VPS51: variants seen among roughly 807,000 people sequenced by gnomAD.
VPS51 encodes VPS51 subunit of GARP complex, also known as vacuolar protein sorting-associated protein 51 homolog.
A neutral mutation model predicts 65.1 loss-of-function variants in VPS51; 55 were observed. That is an observed-to-expected ratio of 0.84 (90% confidence interval 0.68 to 1.06). The LOEUF (loss-of-function observed/expected upper bound fraction) is 1.06. Among genes scored for constraint, VPS51 ranks in the 50% least tolerant of loss-of-function variants. The pLI is 0.00. For missense variants in VPS51, 943 were observed against 1,101.6 expected, an observed-to-expected ratio of 0.86 and a Z score of 2.04; for synonymous variants, 473 against 489.5, an observed-to-expected ratio of 0.97 and a Z score of 0.44.
rs2137195557 is a variant in VPS51, at chr11:65,110,727, C to A, written c.2034C>A (p.Ile678=). Residue 678 remains isoleucine, a synonymous_variant, in exon 9 of 10, where the codon ATC becomes ATA. Coordinates refer to ENST00000279281, the MANE Select transcript of VPS51 (RefSeq NM_013265.4). ...APMDTNLLSN[I]QKLFSERIDV... is the part of the protein sequence containing the mutation. Reference sequence around the variant, plus strand: ...TGGACACCAACCTCTTGAGCAATATCCAGAAGCTATTCTCTGAACGTATTG... The same window carrying A: ...TGGACACCAACCTCTTGAGCAATATACAGAAGCTATTCTCTGAACGTATTG... The A allele has an allele frequency of 6.2e-7, 1 of 1,614,160 alleles. No individual in the cohort carries two copies. The highest frequency in any genetic ancestry group is 8.5e-7 in the Non-Finnish European group (1 of 1,180,032).
In VPS51 at chr11:65,109,403, C is replaced by T. The variant is rs1947872130; in HGVS notation, c.1567C>T (p.Leu523=). The T allele has an allele frequency of 6.2e-7, 1 of 1,611,358 alleles. No homozygotes were observed. The highest frequency in any genetic ancestry group is 8.5e-7 in the Non-Finnish European group (1 of 1,180,014). The stretch of plus-strand genomic sequence containing the variant: ...GAAGGGGGGTGCCACACCACCTGCC[C>T]TGCTCCTGCTGCTCTCCCGCCTCTG... ...GEKGGATPPA[L]LLLLSRLCLD... is the part of the protein sequence containing the mutation. Residue 523 remains leucine (L), a synonymous_variant, in exon 6 of 10, where the codon CTG becomes TTG. Coordinates refer to ENST00000279281, the MANE Select transcript of VPS51 (RefSeq NM_013265.4).
In VPS51 at chr11:65,107,299, G is replaced by A; in HGVS notation, c.359-282G>A. On this transcript the variant is annotated intron_variant, in intron 2 of 9. Coordinates refer to ENST00000279281, the MANE Select transcript of VPS51 (RefSeq NM_013265.4). The surrounding 1 kb of genome is among the most constrained non-coding windows in gnomAD (Gnocchi z 4.0). ...GGTGGCAGCTGGCTAAGCACCTGCG[G>A]CCTGCTTCGGATCTGGACTAATTCT... is the stretch of plus-strand genomic sequence containing the variant. 1.7e-6 allele frequency: 1 copy of A among 582,368 alleles called. No individual in the cohort carries two copies. The highest frequency in any genetic ancestry group is 3.2e-6 in the Non-Finnish European group (1 of 309,126). 36.1% of individuals were successfully genotyped at this position (582,368 alleles called of 1,614,324 possible). A position where few individuals can be genotyped will look rare whatever the true frequency, so the allele number is the denominator to read the frequency against.
In VPS51 at chr11:65,109,305, G is replaced by A. The variant is rs770883799; in HGVS notation, c.1469G>A (p.Arg490His). The A allele has an allele frequency of 9.3e-6, 15 of 1,613,008 alleles. No homozygotes were observed. The highest frequency in any genetic ancestry group is 2.2e-5 in the East Asian group (1 of 44,868). The change falls in exon 6 of 10, where the codon CGT (arginine) becomes CAT (histidine). Residue 490 changes from arginine to histidine, a missense_variant. Coordinates refer to ENST00000279281, the MANE Select transcript of VPS51 (RefSeq NM_013265.4). The stretch of plus-strand genomic sequence containing the variant: ...GGTGAGTTCTGCAGTCAGGGTGTCC[G>A]TGAGGGCCTCATCGTGGGCTTCGTC... ...FRGEFCSQGV[R>H]EGLIVGFVHS...
chr11:65,110,414 C>T (rs779577903), intron 7 of VPS51, 68 bp from the exon 8 acceptor site: 75 of 1,611,678 alleles, frequency 4.7e-5, no homozygotes, highest in Non-Finnish European at 5.9e-5. Flanking sequence ...TTAGGGCATC[C>T]TCAGCACCGA....
Position 65,096,284 on chromosome 11 carries a change from G to A in VPS51, c.34G>A (p.Gly12Arg), listed in dbSNP as rs757532613. The A allele has an allele frequency of 5.3e-6, 8 of 1,519,608 alleles. No homozygotes were observed. Among genetic ancestry groups the A allele is most frequent in the Admixed American group, 4.6e-5 (2 of 43,312 alleles). The allele number at this position is 1,519,608 out of a possible 1,614,324, so 94.1% of individuals were successfully genotyped here. ...GGCAGCTGCCGCCGGGCCTAGCCCG[G>A]GGTCTGGACCTGGGGACTCCCCAGA... ...AAAAAAGPSP[G>R]SGPGDSPEGP... Residue 12 changes from glycine (G) to arginine (R), a missense_variant, in exon 1 of 10, where the codon GGG becomes AGG. By Grantham distance (125) the Gly-to-Arg change is moderately radical. Around this residue, in one of 2 missense-constraint regions of VPS51, gnomAD observed 855 missense variants for 953.7 expected, o/e 0.90. Transcript: ENST00000279281.
Position 65,096,507 on chromosome 11 carries a change from CG to C in VPS51, c.228+33del, listed in dbSNP as rs1947770477. 7 of 363,122 alleles carry C rather than the reference CG, an allele frequency of 1.9e-5. No homozygotes were observed. In the African/African-American group the frequency reaches 2.0e-4, roughly 11 times the overall value. The allele number at this position is 363,122 out of a possible 1,614,324, so 22.5% of individuals were successfully genotyped here. ...TGTGCGCACGGGGAGTGGGGGGGTG[CG>C]GGGAGGGGGGAAGGGAACCAGGCCC... On this transcript the variant is annotated intron_variant, in intron 1 of 9. Coordinates refer to ENST00000279281, the MANE Select transcript of VPS51 (RefSeq NM_013265.4).
intron 2 of VPS51, among the ~76,000 whole-genome samples, chr11:65,101,288 G>A (rs1947806433): frequency 6.6e-6 from 1 of 152,182 alleles, no homozygotes; most frequent in Non-Finnish European, 1.5e-5. Flanking sequence ...ACCAGGCATT[G>A]AGCCAGATTT....
intron 2 of VPS51, among the ~76,000 whole-genome samples, chr11:65,105,147 C>A (rs1947833292): frequency 6.6e-6 from 1 of 152,090 alleles, no homozygotes; most frequent in Non-Finnish European, 1.5e-5. Context: ...CGCCTGTAAT[C>A]CCAGCACTTT....
intron 7 of VPS51, 139 bp downstream of exon 7, chr11:65,110,062 A>T (rs1947881549): frequency 1.0e-6 from 1 of 966,308 alleles, no homozygotes; most frequent in Non-Finnish European, 1.5e-6. Context: ...TCACGGGGCC[A>T]GTTCTGTAGC....
In VPS51 at chr11:65,096,424, G is replaced by C. The variant is rs546489608; in HGVS notation, c.174G>C (p.Leu58=). 6.4e-7 allele frequency: 1 copy of C among 1,555,928 alleles called. No individual in the cohort carries two copies. The highest frequency in any genetic ancestry group is 1.4e-5 in the African/African-American group (1 of 71,724). The change falls in exon 1 of 10, where the codon CTG becomes CTC. Residue 58 remains leucine, a synonymous_variant. Coordinates refer to ENST00000279281, the MANE Select transcript of VPS51 (RefSeq NM_013265.4). The stretch of plus-strand genomic sequence containing the variant: ...GACGCCCCGCGGGGCCCGACCCCCT[G>C]GACCCGACTGATCTGAACGGGGCGC... ...AAGRPAGPDP[L]DPTDLNGAHF...
At chr11:65,102,206 C>T (rs770625564) in intron 2 of VPS51, among the ~76,000 whole-genome samples, 22 of 152,016 alleles carry the variant, frequency 1.4e-4, no homozygotes, top group Admixed American at 7.2e-4. Context: ...TCAGTAGAGA[C>T]GGGATTTCAC....
chr11:65,097,789 C>G (rs10791813), intron 2 of VPS51, among the ~76,000 whole-genome samples: 65,825 of 151,636 alleles, frequency 0.43, 14,480 homozygotes, highest in Admixed American at 0.5. Flanking sequence ...CCTGGGAGGT[C>G]GAGGCTGCAG....
At position 65,110,583 on chromosome 11, in the gene VPS51, C is replaced by G. The variant is rs749994347; in HGVS notation, c.1980C>G (p.Tyr660Ter). 6.2e-7 allele frequency: 1 copy of G among 1,614,054 alleles called. No individual in the cohort carries two copies. The highest frequency in any genetic ancestry group is 8.5e-7 in the Non-Finnish European group (1 of 1,180,034). Residue 660 changes from tyrosine to a stop codon, truncating the protein, a stop_gained, in exon 8 of 10, where the codon TAC (tyrosine) becomes TAG (stop). Transcript: ENST00000279281. LOFTEE classifies it high-confidence loss of function. ...VYSSSRQQGR[Y>*]APSYTPSAPM... Reference sequence around the variant, plus strand: ...GCAGCTCTCGGCAGCAGGGCCGCTACGCCCCCAGCTATACCCCCAGGTCTG... The same window carrying G: ...GCAGCTCTCGGCAGCAGGGCCGCTAGGCCCCCAGCTATACCCCCAGGTCTG...
At chr11:65,103,490 T>C (rs1418653471) in intron 2 of VPS51, among the ~76,000 whole-genome samples, 1 of 152,230 alleles carries the variant, frequency 6.6e-6, no homozygotes, top group Non-Finnish European at 1.5e-5. Flanking sequence ...AATCCCTTAA[T>C]AGCTCTACAG....
At chr11:65,103,221 G>A (rs1400586366) in intron 2 of VPS51, among the ~76,000 whole-genome samples, 4 of 152,168 alleles carry the variant, frequency 2.6e-5, no homozygotes, top group African/African-American at 9.7e-5. Context: ...CACCATGCCT[G>A]TAGACAGAGC....
At position 65,101,395 on chromosome 11, in the gene VPS51, C is replaced by G. The variant is rs146101098; in HGVS notation, c.358+4268C>G. ...GTGTCAAAATTAGAAAGATCTCAAA[C>G]ATTATACAGGGAAAAGCCTCTCCTA... On this transcript the variant is annotated intron_variant, in intron 2 of 9. Coordinates refer to ENST00000279281, the MANE Select transcript of VPS51 (RefSeq NM_013265.4). 4.0e-3 allele frequency among the ~76,000 whole-genome samples: 616 copies of G among 152,206 alleles called. 6 individuals are homozygous for G. Among genetic ancestry groups the G allele is most frequent in the African/African-American group, 0.014 (589 of 41,534 alleles).
intron 2 of VPS51, among the ~76,000 whole-genome samples, chr11:65,099,241 G>A (rs746284721): frequency 1.3e-4 from 20 of 152,096 alleles, no homozygotes; most frequent in Non-Finnish European, 7.4e-5. Context: ...AAATGAGAAA[G>A]GAACTAGGTC....
At chr11:65,106,357 A>T (rs188685617) in intron 2 of VPS51, among the ~76,000 whole-genome samples, 8 of 152,330 alleles carry the variant, frequency 5.3e-5, no homozygotes, top group Admixed American at 1.3e-4. Context: ...GCCTCAGGAA[A>T]CTTACAATCA....
chr11:65,107,562 C>G lies in VPS51; in HGVS notation c.359-19C>G. 6.4e-7 allele frequency: 1 copy of G among 1,564,458 alleles called. No homozygotes were observed. The highest frequency in any genetic ancestry group is 8.7e-7 in the Non-Finnish European group (1 of 1,147,566). On this transcript the variant is annotated intron_variant, in intron 2 of 9. Coordinates refer to ENST00000279281, the MANE Select transcript of VPS51 (RefSeq NM_013265.4). The surrounding 1 kb of genome is among the most constrained non-coding windows in gnomAD (Gnocchi z 4.0). ...TGCAGTCACCTGCTCTCCCCTTTTCCCCGCCCCTGCCCTCCTAGACACCAT... is the reference window on the plus strand; with the variant it reads ...TGCAGTCACCTGCTCTCCCCTTTTCGCCGCCCCTGCCCTCCTAGACACCAT...
Sources: allele counts gnomAD v4.1 joint callset (sites outside exome capture counted in the v4.1 genomes callset), GRCh38; gene constraint gnomAD v4.1.1; regional missense constraint gnomAD v4.1.1; non-coding constraint Gnocchi (gnomAD v3.1); transcripts MANE v1.5; gene names NCBI Gene and HGNC (gene_info 2026-07-23, HGNC 2026-07-21).